Variants in PTPRN2 observed in about 807,000 individuals in gnomAD.
PTPRN2 encodes receptor-type tyrosine-protein phosphatase N2.
In PTPRN2, 74 loss-of-function variants were observed where a neutral mutation model predicts 118.8. The observed-to-expected ratio is 0.62, with a 90% confidence interval of 0.52 to 0.76. PTPRN2 has a LOEUF of 0.76. Ranked by LOEUF, PTPRN2 falls within the 30% of genes least tolerant of loss-of-function variation. The probability of loss-of-function intolerance (pLI) is 0.00; values close to 1 mark genes in which losing one functional copy is unlikely to be tolerated. For missense variants in PTPRN2, 1,481 were observed against 1,394.4 expected, an observed-to-expected ratio of 1.06 and a Z score of -0.99; for synonymous variants, 641 against 608.0, an observed-to-expected ratio of 1.05 and a Z score of -0.80.
chr7:158,161,113 C>A (rs1296062400), intron 6 of PTPRN2, among the ~76,000 whole-genome samples: 3 of 152,076 alleles, frequency 2.0e-5, no homozygotes, highest in Non-Finnish European at 2.9e-5. Context: ...TGACTGGCTC[C>A]CAAAGACTCA....
chr7:158,355,203 A>G (rs1356306807), intron 2 of PTPRN2, among the ~76,000 whole-genome samples: 1 of 152,194 alleles, frequency 6.6e-6, no homozygotes, highest in African/African-American at 2.4e-5. Context: ...ACAAAAATAC[A>G]TCGAATGGGG....
In PTPRN2 at chr7:157,632,510, T is replaced by C. The variant is rs767993925; in HGVS notation, c.2197-11001A>G. Among the ~76,000 whole-genome samples, 1 of 152,172 alleles carries C rather than the reference T, an allele frequency of 6.6e-6. No individual in the cohort carries two copies. Among genetic ancestry groups the C allele is most frequent in the Non-Finnish European group, 1.5e-5 (1 of 68,026 alleles). On this transcript the variant is annotated intron_variant, in intron 14 of 22. Coordinates refer to ENST00000389418, the MANE Select transcript of PTPRN2 (RefSeq NM_002847.5). The surrounding 1 kb of genome is among the most constrained non-coding windows in gnomAD (Gnocchi z 4.3). Reference sequence around the variant, plus strand: ...TTCCTTACCACCTACTCTTACTAAGTAGGGGAAAGTCTTGTTCTTTCATAC... The same window carrying C: ...TTCCTTACCACCTACTCTTACTAAGCAGGGGAAAGTCTTGTTCTTTCATAC...
chr7:158,182,698 C>T (rs1378206870), intron 5 of PTPRN2, among the ~76,000 whole-genome samples: 2 of 152,132 alleles, frequency 1.3e-5, no homozygotes, highest in African/African-American at 2.4e-5. Context: ...GTATATGTAC[C>T]ACATTTTCTT....
At chr7:157,645,885 A>G (rs1041295756) in intron 14 of PTPRN2, among the ~76,000 whole-genome samples, 1 of 152,218 alleles carries the variant, frequency 6.6e-6, no homozygotes, top group South Asian at 2.1e-4. Context: ...TTGCTGGGAC[A>G]CAGTCCCACC....
At chr7:158,583,617 C>A (rs553035962) in intron 1 of PTPRN2, among the ~76,000 whole-genome samples, 10 of 152,204 alleles carry the variant, frequency 6.6e-5, no homozygotes, top group South Asian at 2.1e-4. Context: ...ATTCCCTGCC[C>A]ATCCCTTCTG....
chr7:158,241,233 C>T (rs757610518), intron 3 of PTPRN2, among the ~76,000 whole-genome samples: 1 of 152,124 alleles, frequency 6.6e-6, no homozygotes, highest in Non-Finnish European at 1.5e-5. Flanking sequence ...CCTTCACTTT[C>T]GGCCGGGCGT....
rs1563460397 is a variant in PTPRN2, at chr7:158,119,614, G to GAGAGAGA, written c.1557-8700_1557-8699insTCTCTCT. ...CAGTACAAGAAGATATTTGAAAGAG[G>GAGAGAGA]GAGAGAGAGAGAGAGAGAGACACCA... On this transcript the variant is annotated intron_variant, in intron 9 of 22. Transcript: ENST00000389418. Among the ~76,000 whole-genome samples the GAGAGAGA allele has an allele frequency of 5.7e-3, 837 of 147,174 alleles. 7 individuals carry two copies. The highest frequency in any genetic ancestry group is 0.02 in the African/African-American group (792 of 39,178).
Position 158,075,410 on chromosome 7 carries a change from G to A in PTPRN2, c.1723+5888C>T, listed in dbSNP as rs151230345. 1.8e-3 allele frequency among the ~76,000 whole-genome samples: 268 copies of A among 152,124 alleles called. 1 individual carries two copies. The highest frequency in any genetic ancestry group is 5.8e-3 in the African/African-American group (241 of 41,510). On this transcript the variant is annotated intron_variant, in intron 11 of 22. Transcript: ENST00000389418. ...CCGGCAGCCCAGGGGAGGCGCTCCC[G>A]TGCAGGTGGGAGTTCTTGTTCCATG...
intron 4 of PTPRN2, among the ~76,000 whole-genome samples, chr7:158,202,595 CA>C (rs1265392595): frequency 6.6e-6 from 1 of 152,152 alleles, no homozygotes; most frequent in Non-Finnish European, 1.5e-5. Flanking sequence ...CATAGCAGGG[CA>C]GGGGAAGGGA....
In PTPRN2 at chr7:157,787,616, G is replaced by A. The variant is rs889030365; in HGVS notation, c.1789-104679C>T. On this transcript the variant is annotated intron_variant, in intron 12 of 22. Coordinates refer to ENST00000389418, the MANE Select transcript of PTPRN2 (RefSeq NM_002847.5). This position sits in a 1 kb window ranked among gnomAD's most constrained non-coding sequence, Gnocchi z 5.3. The stretch of plus-strand genomic sequence containing the variant: ...AGGCAGAGGAGAGTGGCCGTGACCT[G>A]GAGGACAAGGACATGCATTTCACAC... 1.8e-4 allele frequency among the ~76,000 whole-genome samples: 27 copies of A among 152,094 alleles called. No homozygotes were observed. Among genetic ancestry groups the A allele is most frequent in the Admixed American group, 1.2e-3 (19 of 15,282 alleles).
intron 11 of PTPRN2, among the ~76,000 whole-genome samples, chr7:158,043,249 T>C (rs563840948): frequency 1.3e-5 from 2 of 152,314 alleles, no homozygotes; most frequent in Admixed American, 6.5e-5. Flanking sequence ...GGGAACACTT[T>C]CCTCTAATCT....
At chr7:157,826,145 G>T (rs1023933628) in intron 12 of PTPRN2, among the ~76,000 whole-genome samples, 1 of 151,298 alleles carries the variant, frequency 6.6e-6, no homozygotes, top group Admixed American at 6.6e-5. Flanking sequence ...ACACAACTGT[G>T]ATGACCACAA....
At chr7:158,297,429 A>T (rs982966531) in intron 3 of PTPRN2, among the ~76,000 whole-genome samples, 1 of 152,174 alleles carries the variant, frequency 6.6e-6, no homozygotes, top group Admixed American at 6.5e-5. Context: ...CATTTGTGAT[A>T]CGGTATCTCC....
At chr7:158,321,123 A>T (rs1802979118) in intron 2 of PTPRN2, among the ~76,000 whole-genome samples, 1 of 151,998 alleles carries the variant, frequency 6.6e-6, no homozygotes, top group South Asian at 2.1e-4. Context: ...GCCAGGGGTG[A>T]TCTACACAGC....
chr7:157,645,345 T>C (rs1638021), intron 14 of PTPRN2, among the ~76,000 whole-genome samples: 131,772 of 152,242 alleles, frequency 0.87, 57,291 homozygotes, highest in Admixed American at 0.91. Flanking sequence ...AGCGGCAAAG[T>C]TCAAAGGTTC....
chr7:157,658,925 C>T (rs901757494), intron 13 of PTPRN2, among the ~76,000 whole-genome samples: 1 of 152,120 alleles, frequency 6.6e-6, no homozygotes, highest in African/African-American at 2.4e-5. Flanking sequence ...CTCCCCACAG[C>T]CGTGTGCGTC....
intron 14 of PTPRN2, among the ~76,000 whole-genome samples, chr7:157,650,986 C>T (rs554826511): frequency 6.6e-6 from 1 of 152,356 alleles, no homozygotes; most frequent in African/African-American, 2.4e-5. Flanking sequence ...GGCCGAAGTT[C>T]AGAGGCCGTG....
intron 12 of PTPRN2, among the ~76,000 whole-genome samples, chr7:157,854,259 G>A (rs1372467043): frequency 1.3e-5 from 2 of 152,350 alleles, no homozygotes; most frequent in East Asian, 3.9e-4. Context: ...CGACATGAAG[G>A]CAAGGGCTGG....
intron 10 of PTPRN2, among the ~76,000 whole-genome samples, chr7:158,096,976 T>C (rs1481853522): frequency 6.6e-6 from 1 of 152,110 alleles, no homozygotes; most frequent in Non-Finnish European, 1.5e-5. Flanking sequence ...CCCTGATGTG[T>C]AGACAAAATT....
Sources: gnomAD v4.1 joint callset for allele counts (sites outside exome capture counted in the v4.1 genomes callset) on GRCh38, gnomAD v4.1.1 for gene constraint, Gnocchi (gnomAD v3.1) non-coding constraint, MANE v1.5 for transcripts, NCBI Gene and HGNC (gene_info 2026-07-23, HGNC 2026-07-21) for gene names.